Variants in SH3PXD2A observed in about 807,000 individuals in gnomAD.
The protein encoded by SH3PXD2A is SH3 and PX domain-containing protein 2A.
SH3PXD2A carries 32 observed loss-of-function variants against 115.2 expected under a neutral mutation model. The observed-to-expected ratio is 0.28, with a 90% CI of 0.21 to 0.37. The LOEUF is 0.37. Ranked by LOEUF, SH3PXD2A falls within the 10% of genes least tolerant of loss-of-function variation. SH3PXD2A has a pLI of 1.00. For synonymous variants in SH3PXD2A, 610 were observed against 629.1 expected, an observed-to-expected ratio of 0.97 and a Z score of 0.45; for missense variants, 1,328 against 1,498.7, an observed-to-expected ratio of 0.89 and a Z score of 1.88.
intron 1 of SH3PXD2A, among the ~76,000 whole-genome samples, chr10:103,846,883 C>T (rs1234290874): frequency 6.6e-6 from 1 of 152,206 alleles, no homozygotes; most frequent in Non-Finnish European, 1.5e-5. Context: ...CCACATGCAG[C>T]TCATCAGCTG....
At chr10:103,781,405 CA>C (rs2038930544) in intron 2 of SH3PXD2A, among the ~76,000 whole-genome samples, 1 of 152,190 alleles carries the variant, frequency 6.6e-6, no homozygotes, top group Non-Finnish European at 1.5e-5. Flanking sequence ...AGGATGGGGT[CA>C]CCAGCTGGGG....
chr10:103,692,674 C>G (rs1254603304), intron 6 of SH3PXD2A, among the ~76,000 whole-genome samples: 1 of 152,204 alleles, frequency 6.6e-6, no homozygotes, highest in Non-Finnish European at 1.5e-5. Context: ...CAGCGGCCGC[C>G]GCAGCCCGGG....
At chr10:103,679,554 G>C (rs1312476344) in intron 6 of SH3PXD2A, among the ~76,000 whole-genome samples, 1 of 152,236 alleles carries the variant, frequency 6.6e-6, no homozygotes, top group Non-Finnish European at 1.5e-5. Context: ...GTGGGGGAGA[G>C]GGGAGTTCCC....
chr10:103,623,555 C>T (rs1020960423), intron 9 of SH3PXD2A, among the ~76,000 whole-genome samples: 2 of 151,610 alleles, frequency 1.3e-5, no homozygotes, highest in Admixed American at 1.3e-4. Context: ...TAAAACCGTC[C>T]CAGACCACCG....
At chr10:103,667,163 C>T (rs1008698603) in intron 7 of SH3PXD2A, among the ~76,000 whole-genome samples, 6 of 152,198 alleles carry the variant, frequency 3.9e-5, no homozygotes, top group East Asian at 3.9e-4. Flanking sequence ...GCCCTGGACT[C>T]GCAGTCTGGC....
chr10:103,774,921 C>A (rs75488136), intron 2 of SH3PXD2A, among the ~76,000 whole-genome samples: 12,337 of 152,240 alleles, frequency 0.081, 676 homozygotes, highest in Non-Finnish European at 0.12. Context: ...GCCGCCCTTC[C>A]GGTGTCCCAG....
At chr10:103,642,938 T>C (rs1346606561) in intron 8 of SH3PXD2A, among the ~76,000 whole-genome samples, 2 of 152,136 alleles carry the variant, frequency 1.3e-5, no homozygotes, top group Non-Finnish European at 2.9e-5. Context: ...CCCAGCTGAG[T>C]TCAGCCCCTC....
At position 103,705,228 on chromosome 10, in the gene SH3PXD2A, G is replaced by T. The variant is rs551592678; in HGVS notation, c.399-12172C>A. 7.8e-4 allele frequency among the ~76,000 whole-genome samples: 119 copies of T among 152,232 alleles called. 1 individual carries two copies. Among genetic ancestry groups the T allele is most frequent in the Admixed American group, 7.3e-3 (112 of 15,304 alleles). On this transcript the variant is annotated intron_variant, in intron 5 of 14. Transcript: ENST00000369774. Reference sequence around the variant, plus strand: ...TCCTGAGCTTCTACACCAAGGTAAAGCCCCCGAGGTCCCGGAGCAGGCTTG... The same window carrying T: ...TCCTGAGCTTCTACACCAAGGTAAATCCCCCGAGGTCCCGGAGCAGGCTTG...
chr10:103,813,033 A>T (rs978352502), intron 1 of SH3PXD2A, among the ~76,000 whole-genome samples: 1 of 152,188 alleles, frequency 6.6e-6, no homozygotes, highest in African/African-American at 2.4e-5. Context: ...AGGTCAAATA[A>T]ATTATGGTTC....
chr10:103,595,355 A>C lies in SH3PXD2A; in HGVS notation c.*6461T>G, dbSNP rs751365229. On this transcript the variant is annotated 3_prime_UTR_variant, in exon 15 of 15. Transcript: ENST00000369774. ...CAGAGCTGACTTCTTCCTTCTTTCTAATCAACAAAGACAAAACTCCAAGCC... is the reference window on the plus strand; with the variant it reads ...CAGAGCTGACTTCTTCCTTCTTTCTCATCAACAAAGACAAAACTCCAAGCC... 6.6e-6 allele frequency: 1 copy of C among 152,136 alleles called. No individual in the cohort carries two copies. Among genetic ancestry groups the C allele is most frequent in the Non-Finnish European group, 1.5e-5 (1 of 68,034 alleles). 9.4% of individuals were successfully genotyped at this position (152,136 alleles called of 1,614,324 possible).
At chr10:103,761,416 A>C (rs1344891730) in intron 3 of SH3PXD2A, among the ~76,000 whole-genome samples, 1 of 152,232 alleles carries the variant, frequency 6.6e-6, no homozygotes, top group Non-Finnish European at 1.5e-5. Flanking sequence ...AAGTTTAAAA[A>C]AATGCTGTTA....
intron 1 of SH3PXD2A, among the ~76,000 whole-genome samples, chr10:103,829,443 T>C (rs1158721974): frequency 1.3e-5 from 2 of 152,144 alleles, no homozygotes; most frequent in African/African-American, 2.4e-5. Context: ...AAGAAGGTAA[T>C]GCCACTTTTA....
intron 8 of SH3PXD2A, among the ~76,000 whole-genome samples, chr10:103,651,172 T>A (rs1254434866): frequency 2.6e-5 from 4 of 152,134 alleles, no homozygotes; most frequent in African/African-American, 9.7e-5. Context: ...CACTGTAGGC[T>A]GGAGTGCTGA....
chr10:103,782,618 T>C (rs1412711645), intron 2 of SH3PXD2A, among the ~76,000 whole-genome samples: 1 of 152,006 alleles, frequency 6.6e-6, no homozygotes, highest in East Asian at 1.9e-4. Context: ...ACAGAAGCTA[T>C]GGAGCAGGCA....
chr10:103,762,279 C>T (rs10883907), intron 3 of SH3PXD2A, among the ~76,000 whole-genome samples: 53,905 of 151,954 alleles, frequency 0.35, 10,432 homozygotes, highest in East Asian at 0.62. Flanking sequence ...CCACCCATCT[C>T]AGCCTCCCAA....
chr10:103,637,161 G>T (rs925561977), intron 8 of SH3PXD2A, among the ~76,000 whole-genome samples: 1 of 152,162 alleles, frequency 6.6e-6, no homozygotes, highest in Non-Finnish European at 1.5e-5. Context: ...CATCACCCAG[G>T]CATGGCACAC....
chr10:103,780,521 C>T (rs1214156105), intron 2 of SH3PXD2A, among the ~76,000 whole-genome samples: 1 of 152,190 alleles, frequency 6.6e-6, no homozygotes, highest in Non-Finnish European at 1.5e-5. Context: ...CCTCTTTGGC[C>T]TTCCCAGGAA....
intron 8 of SH3PXD2A, among the ~76,000 whole-genome samples, chr10:103,647,876 T>G (rs891996580): frequency 4.6e-5 from 7 of 152,060 alleles, no homozygotes; most frequent in African/African-American, 1.7e-4. Flanking sequence ...GTCAATCAGA[T>G]GCTTGCCCAG....
At chr10:103,705,174 G>T (rs1249624846) in intron 5 of SH3PXD2A, among the ~76,000 whole-genome samples, 2 of 152,132 alleles carry the variant, frequency 1.3e-5, no homozygotes, top group African/African-American at 4.8e-5. Flanking sequence ...GCCGTGGGCC[G>T]CCACCTCCAT....
Sources: gnomAD v4.1 joint callset for allele counts (sites outside exome capture counted in the v4.1 genomes callset) on GRCh38, gnomAD v4.1.1 for gene constraint, MANE v1.5 for transcripts, NCBI Gene and HGNC (gene_info 2026-07-23, HGNC 2026-07-21) for gene names.